DAAM2: variants seen among roughly 807,000 people sequenced by gnomAD.
The protein encoded by DAAM2 is disheveled-associated activator of morphogenesis 2.
A neutral mutation model predicts 120.7 loss-of-function variants in DAAM2; 39 were observed. That is an observed-to-expected ratio of 0.32 (90% CI 0.25 to 0.42). DAAM2 has a LOEUF of 0.42. Among genes scored for constraint, DAAM2 ranks in the 10% least tolerant of loss-of-function variants. The pLI is 1.00. For synonymous variants in DAAM2, 488 were observed against 524.9 expected, an observed-to-expected ratio of 0.93 and a Z score of 0.96; for missense variants, 1,283 against 1,401.7, an observed-to-expected ratio of 0.92 and a Z score of 1.35.
At chr6:39,825,445 T>A (rs56369844) in intron 1 of DAAM2, among the ~76,000 whole-genome samples, 4 of 117,482 alleles carry the variant, frequency 3.4e-5, no homozygotes, top group East Asian at 2.7e-4. Context: ...GTCGGGGGGT[T>A]GGTGGGGGGC....
intron 9 of DAAM2, 66 bp from the exon 10 acceptor site, chr6:39,873,172 T>C: frequency 9.9e-7 from 1 of 1,009,892 alleles, no homozygotes; most frequent in Non-Finnish European, 1.5e-6. Context: ...GGAAGCAGGG[T>C]CTTCTCTCTC....
chr6:39,871,623 G>A, intron 9 of DAAM2, 51 bp downstream of exon 9: 1 of 1,508,084 alleles, frequency 6.6e-7, no homozygotes, highest in Non-Finnish European at 9.0e-7. Flanking sequence ...AGGGTTCTTG[G>A]TGGCCCCACA....
chr6:39,851,598 G>T (rs1038337066), intron 1 of DAAM2, among the ~76,000 whole-genome samples: 1 of 152,184 alleles, frequency 6.6e-6, no homozygotes, highest in African/African-American at 2.4e-5. Flanking sequence ...GTGGCTAGGG[G>T]TTAGGGTTTG....
intron 2 of DAAM2, among the ~76,000 whole-genome samples, chr6:39,859,550 C>T (rs537868946): frequency 4.3e-4 from 66 of 152,212 alleles, no homozygotes; most frequent in African/African-American, 1.5e-3. Flanking sequence ...TCCCTGGCCA[C>T]GTGGGACTAC....
intron 15 of DAAM2, chr6:39,887,156 G>A (rs1280413107): frequency 1.4e-5 from 3 of 212,338 alleles, no homozygotes; most frequent in South Asian, 8.8e-5. Flanking sequence ...AAGCCACAGA[G>A]ATCAGTCATA....
At chr6:39,891,510 G>T in intron 18 of DAAM2, 63 bp downstream of exon 18, 2 of 1,518,922 alleles carry the variant, frequency 1.3e-6, no homozygotes, top group Non-Finnish European at 1.8e-6. Context: ...GGCAGGTGGG[G>T]CTCTGCCAAG....
chr6:39,891,547 T>G, intron 18 of DAAM2, 87 bp from the exon 19 acceptor site: 1 of 1,515,502 alleles, frequency 6.6e-7, no homozygotes, highest in Non-Finnish European at 9.0e-7. Flanking sequence ...TGGGCAGGCT[T>G]GAGAGGAGAC....
chr6:39,804,522 C>CCGTGTGTG (rs34256990), intron 1 of DAAM2, among the ~76,000 whole-genome samples: 1 of 149,346 alleles, frequency 6.7e-6, no homozygotes, highest in African/African-American at 2.5e-5. Flanking sequence ...GAGATCAGTT[C>CCGTGTGTG]TGTGTGTGTG....
At chr6:39,834,401 A>C (rs956271568) in intron 1 of DAAM2, among the ~76,000 whole-genome samples, 5 of 151,782 alleles carry the variant, frequency 3.3e-5, no homozygotes, top group African/African-American at 1.2e-4. Flanking sequence ...ACATCCTTCA[A>C]CTCCACTCTG....
chr6:39,881,787 G>C (rs548693779), intron 14 of DAAM2: 1 of 152,196 alleles, frequency 6.6e-6, no homozygotes, highest in African/African-American at 2.4e-5. Flanking sequence ...AACAGTGACT[G>C]ACACATAGAA....
chr6:39,855,633 C>T (rs1043450650), intron 1 of DAAM2, among the ~76,000 whole-genome samples: 2 of 152,218 alleles, frequency 1.3e-5, no homozygotes, highest in African/African-American at 2.4e-5. Context: ...TGCTATTTCA[C>T]ATTCATCCAA....
rs567446934 is a variant in DAAM2, at chr6:39,815,482, T to C, written c.-57+23017T>C. Among the ~76,000 whole-genome samples the C allele has an allele frequency of 7.2e-5, 11 of 152,254 alleles. No homozygotes were observed. The East Asian group carries it at 9.7e-4, about 13-fold the overall frequency. On this transcript the variant is annotated intron_variant, in intron 1 of 24. Transcript: ENST00000274867. ...TATGAAATAACCATGGTATTCCCCA[T>C]AGGGCAGCTGTGAGCCTTCAATGAA...
intron 1 of DAAM2, among the ~76,000 whole-genome samples, chr6:39,797,855 T>C (rs939141920): frequency 6.6e-6 from 1 of 152,174 alleles, no homozygotes; most frequent in Admixed American, 6.5e-5. Flanking sequence ...TCAATAAACA[T>C]TGGGTAGATG....
intron 1 of DAAM2, chr6:39,822,826 A>G (rs967649006): frequency 1.3e-5 from 2 of 152,232 alleles, no homozygotes; most frequent in African/African-American, 4.8e-5. Context: ...CACTCAGGAC[A>G]CAGCTGGGAC....
intron 1 of DAAM2, among the ~76,000 whole-genome samples, chr6:39,811,172 G>GAAGTGT (rs1762147577): frequency 8.5e-6 from 1 of 118,014 alleles, no homozygotes; most frequent in Admixed American, 8.1e-5. Context: ...TAAACTGAAG[G>GAAGTGT]GAGTGTGTGT....
chr6:39,846,084 G>T (rs1392876865), intron 1 of DAAM2, among the ~76,000 whole-genome samples: 1 of 152,084 alleles, frequency 6.6e-6, no homozygotes, highest in Admixed American at 6.5e-5. Context: ...TTTAGAAAAA[G>T]GTGCTGAGAA....
At chr6:39,900,350 C>A in intron 23 of DAAM2, 142 bp downstream of exon 23, 1 of 919,808 alleles carries the variant, frequency 1.1e-6, no homozygotes, top group Non-Finnish European at 1.6e-6. Flanking sequence ...TCGCTCTTAA[C>A]AAGACAAGCA....
rs1413643320 is a variant in DAAM2, at chr6:39,903,354, A to G, written c.*1317A>G. The G allele has an allele frequency of 6.6e-6, 1 of 152,232 alleles. No homozygotes were observed. Among genetic ancestry groups the G allele is most frequent in the African/African-American group, 2.4e-5 (1 of 41,456 alleles). The allele number at this position is 152,232 out of a possible 1,614,324, so 9.4% of individuals were successfully genotyped here. ...GGAAGGCTGAGAGGGGGGCCACCCC[A>G]TTTCTGGTACCCAATTTGGTTCTTC... On this transcript the variant is annotated 3_prime_UTR_variant, in exon 25 of 25. Transcript: ENST00000274867.
chr6:39,867,766 G>T lies in DAAM2; in HGVS notation c.685G>T (p.Val229Leu). The change falls in exon 6 of 25, where the codon GTG becomes TTG. Residue 229 changes from valine (V) to leucine (L), a missense_variant. Coordinates refer to ENST00000274867, the MANE Select transcript of DAAM2 (RefSeq NM_001201427.2). ...GGAGATCCTGGGTGCTGTGTGCCTC[G>T]TGCCTGGTGGCCACAAGAAGGTGCT... is the stretch of plus-strand genomic sequence containing the variant. ...VLEILGAVCL[V>L]PGGHKKVLQA... 6.2e-7 allele frequency: 1 copy of T among 1,613,682 alleles called. No individual in the cohort carries two copies. The highest frequency in any genetic ancestry group is 8.5e-7 in the Non-Finnish European group (1 of 1,179,854).
Sources: allele counts gnomAD v4.1 joint callset (sites outside exome capture counted in the v4.1 genomes callset), GRCh38; gene constraint gnomAD v4.1.1; transcripts MANE v1.5; gene names NCBI Gene and HGNC (gene_info 2026-07-23, HGNC 2026-07-21).